Variants in ZFHX3 observed in about 807,000 individuals in gnomAD.
The protein encoded by ZFHX3 is zinc finger homeobox 3, also known as zinc finger homeobox protein 3.
ZFHX3 carries 42 observed loss-of-function variants against 279.1 expected under a neutral mutation model. That is an observed-to-expected ratio of 0.15 (90% CI 0.12 to 0.19). The LOEUF is 0.19. Ranked by LOEUF, ZFHX3 falls within the 10% of genes least tolerant of loss-of-function variation. The probability of loss-of-function intolerance (pLI) is 1.00; values close to 1 mark genes in which losing one functional copy is unlikely to be tolerated. For missense variants in ZFHX3, 4,981 were observed against 4,754.0 expected, an observed-to-expected ratio of 1.05 and a Z score of -1.40; for synonymous variants, 2,293 against 1,957.8, an observed-to-expected ratio of 1.17 and a Z score of -4.52.
At chr16:73,181,095 GTTTTGTTTTGT>G (rs1967784235) in intron 5 of ZFHX3, among the ~76,000 whole-genome samples, 1 of 117,246 alleles carries the variant, frequency 8.5e-6, no homozygotes, top group African/African-American at 2.9e-5. Flanking sequence ...GTTTTGTTTT[GTTTTGTTTTGT>G]TTTGTTTTGT....
chr16:73,570,847 A>G (rs2051727341), intron 2 of ZFHX3, among the ~76,000 whole-genome samples: 1 of 152,012 alleles, frequency 6.6e-6, no homozygotes, highest in East Asian at 1.9e-4. Context: ...TAGGCTTAGT[A>G]TTTTTAAGGC....
chr16:73,183,846 C>G (rs1394657317), intron 5 of ZFHX3, among the ~76,000 whole-genome samples: 2 of 151,806 alleles, frequency 1.3e-5, no homozygotes, highest in East Asian at 2.0e-4. Flanking sequence ...TCCTGCGAAC[C>G]GTGGGGGCGC....
chr16:73,006,005 A>T (rs1238171567), intron 1 of ZFHX3: 1 of 152,212 alleles, frequency 6.6e-6, no homozygotes, highest in Non-Finnish European at 1.5e-5. Context: ...TTACGTTGTA[A>T]CTGAACTCCT....
At chr16:73,716,150 A>G (rs1042193803) in intron 1 of ZFHX3, among the ~76,000 whole-genome samples, 5 of 152,138 alleles carry the variant, frequency 3.3e-5, no homozygotes, top group African/African-American at 1.2e-4. Context: ...AAGAACCATC[A>G]TTATGGAAAT....
At chr16:73,321,477 T>C (rs4887879) in intron 3 of ZFHX3, among the ~76,000 whole-genome samples, 61,103 of 151,754 alleles carry the variant, frequency 0.4, 14,085 homozygotes, top group Non-Finnish European at 0.53. Context: ...TATGAATTAT[T>C]ATTATTCCCT....
At chr16:73,706,503 A>G (rs2053306395) in intron 1 of ZFHX3, among the ~76,000 whole-genome samples, 1 of 151,812 alleles carries the variant, frequency 6.6e-6, no homozygotes, top group East Asian at 1.9e-4. Context: ...TCATTTCTGG[A>G]ATCATCTTTC....
intron 3 of ZFHX3, among the ~76,000 whole-genome samples, chr16:73,438,257 T>C (rs902084399): frequency 4.0e-4 from 61 of 152,230 alleles, no homozygotes; most frequent in African/African-American, 1.4e-3. Context: ...CTTGATGACA[T>C]TATCACAAAG....
intron 1 of ZFHX3, among the ~76,000 whole-genome samples, chr16:73,801,013 C>T (rs1351035433): frequency 1.3e-5 from 2 of 152,142 alleles, no homozygotes; most frequent in African/African-American, 4.8e-5. Flanking sequence ...TATAACCTCC[C>T]CGTAATGAGC....
At chr16:73,673,332 A>T (rs2052922516) in intron 2 of ZFHX3, among the ~76,000 whole-genome samples, 3 of 152,306 alleles carry the variant, frequency 2.0e-5, no homozygotes, top group Admixed American at 1.3e-4. Context: ...TGTGTAACCT[A>T]CATATATATG....
intron 6 of ZFHX3, among the ~76,000 whole-genome samples, chr16:73,141,915 G>T (rs1966848653): frequency 6.6e-6 from 1 of 152,116 alleles, no homozygotes; most frequent in South Asian, 2.1e-4. Flanking sequence ...GGTGGTTTAG[G>T]ACCTGTTTAT....
chr16:72,929,151 T>C (rs1959649453), intron 3 of ZFHX3, among the ~76,000 whole-genome samples: 1 of 150,946 alleles, frequency 6.6e-6, no homozygotes, highest in Non-Finnish European at 1.5e-5. Context: ...GGCAGAAAAA[T>C]TTCTTGAACC....
At chr16:73,508,775 C>CA (rs1239600007) in intron 2 of ZFHX3, among the ~76,000 whole-genome samples, 1 of 152,204 alleles carries the variant, frequency 6.6e-6, no homozygotes, top group Non-Finnish European at 1.5e-5. Flanking sequence ...CTTAGTGAGA[C>CA]ATAGGCCTTA....
chr16:73,372,470 T>G (rs1447056084), intron 3 of ZFHX3, among the ~76,000 whole-genome samples: 1 of 152,220 alleles, frequency 6.6e-6, no homozygotes, highest in East Asian at 1.9e-4. Context: ...AAATAAAGAA[T>G]TAATGGGTAA....
chr16:72,799,841 G>GT (rs1443857105), intron 8 of ZFHX3, among the ~76,000 whole-genome samples, 186 bp downstream of exon 8: 2 of 152,214 alleles, frequency 1.3e-5, no homozygotes, highest in Non-Finnish European at 2.9e-5. Context: ...TTTAAACCAT[G>GT]TGAGTAATAT....
intron 1 of ZFHX3, among the ~76,000 whole-genome samples, chr16:72,988,839 A>G (rs1300058985): frequency 1.3e-5 from 2 of 152,346 alleles, no homozygotes; most frequent in South Asian, 2.1e-4. Flanking sequence ...TGCATTTTTT[A>G]ATACTGATGG....
In ZFHX3 at chr16:72,794,910, C is replaced by T; in HGVS notation, c.7772G>A (p.Gly2591Glu). ...NPLLASQLLSGAIPQIPASSA... is the reference protein window; with the variant it reads ...NPLLASQLLSEAIPQIPASSA... ...GCTTGCTGGAATCTGAGGTATGGCC[C>T]CAGAGAGCAGCTGGCTGGCCAGGAG... Residue 2591 changes from glycine (G) to glutamate (E), a missense_variant, in exon 9 of 10, where the codon GGG (glycine) becomes GAG (glutamate). Transcript: ENST00000268489. This position sits in a 1 kb window ranked among gnomAD's most constrained non-coding sequence, Gnocchi z 4.2. 1.2e-6 allele frequency: 2 copies of T among 1,614,016 alleles called. No homozygotes were observed. The highest frequency in any genetic ancestry group is 1.7e-6 in the Non-Finnish European group (2 of 1,180,012).
chr16:72,787,043 T>TC lies in ZFHX3; in HGVS notation c.*120_*121insG. The TC allele has an allele frequency of 1.1e-6, 1 of 941,582 alleles. No individual in the cohort carries two copies. Among genetic ancestry groups the TC allele is most frequent in the Admixed American group, 4.6e-5 (1 of 21,682 alleles). 58.3% of individuals were successfully genotyped at this position (941,582 alleles called of 1,614,324 possible). ...CCCACGCTTTTTCTTTTTTTTCTTT[T>TC]TTTTTTTTTTTTTGTTTTTTGGTTA... On this transcript the variant is annotated 3_prime_UTR_variant, in exon 10 of 10. Transcript: ENST00000268489.
At chr16:73,216,183 ATT>A (rs2012200636) in intron 5 of ZFHX3, among the ~76,000 whole-genome samples, 1 of 152,212 alleles carries the variant, frequency 6.6e-6, no homozygotes, top group African/African-American at 2.4e-5. Flanking sequence ...GTTACACAGC[ATT>A]ATTGTGGCAG....
Position 73,842,222 on chromosome 16 carries a change from A to G in ZFHX3, c.-1608+49429T>C, listed in dbSNP as rs916455725. On this transcript the variant is annotated intron_variant, in intron 1 of 17. Coordinates refer to the ZFHX3 transcript ENST00000641206. ...CAAGAGCGAAACTCCATCTCAAAAA[A>G]AAAAAGAAAGACAGAAAGAAAAAGA... Among the ~76,000 whole-genome samples, 3 of 152,072 alleles carry G rather than the reference A, an allele frequency of 2.0e-5. No homozygotes were observed. The East Asian group carries it at 5.8e-4, about 29-fold the overall frequency.
Sources: gnomAD v4.1 joint callset for allele counts (sites outside exome capture counted in the v4.1 genomes callset) on GRCh38, gnomAD v4.1.1 for gene constraint, Gnocchi (gnomAD v3.1) non-coding constraint, MANE v1.5 for transcripts, NCBI Gene and HGNC (gene_info 2026-07-23, HGNC 2026-07-21) for gene names.